The following GALNT9 variants were observed in gnomAD, a reference collection of about 807,000 sequenced individuals.
GALNT9 encodes GalNAc transferase 9.
Under a neutral mutation model 63.1 loss-of-function variants are expected in GALNT9, and 47 were observed. That is an observed-to-expected ratio of 0.75 (90% CI 0.59 to 0.95). GALNT9 has a LOEUF of 0.95. Among genes scored for constraint, GALNT9 ranks in the 40% least tolerant of loss-of-function variants. GALNT9 has a pLI of 0.00. For synonymous variants in GALNT9, 396 were observed against 365.7 expected (o/e 1.08, Z -0.94); for missense variants, 829 against 874.8 (o/e 0.95, Z 0.66).
chr12:132,329,358 C>A lies in GALNT9; in HGVS notation c.-155G>T. 1 of 1,158,910 alleles carries A rather than the reference C, an allele frequency of 8.6e-7. No individual in the cohort carries two copies. The allele number at this position is 1,158,910 out of a possible 1,614,324, so 71.8% of individuals were successfully genotyped here. A position where few individuals can be genotyped will look rare whatever the true frequency, so the allele number is the denominator to read the frequency against. On this transcript the variant is annotated 5_prime_UTR_variant, in exon 1 of 11. Coordinates refer to ENST00000328957, the MANE Select transcript of GALNT9 (RefSeq NM_001122636.2). ...CTGTCCCTTCAGCACCAGCTCAGCG[C>A]GCCGGGCCACGGCCGCCGGGGGTCC...
intron 7 of GALNT9, among the ~76,000 whole-genome samples, chr12:132,201,894 T>G (rs555745300): frequency 2.0e-5 from 3 of 148,752 alleles, no homozygotes; most frequent in African/African-American, 7.4e-5. Context: ...TTCCTGGGAC[T>G]GTGGGGCCTG....
intron 6 of GALNT9, among the ~76,000 whole-genome samples, chr12:132,208,741 T>G (rs1041516112): frequency 1.3e-5 from 2 of 151,960 alleles, no homozygotes; most frequent in Non-Finnish European, 2.9e-5. Flanking sequence ...CAACCCAGAG[T>G]TGTGGGCCAA....
At position 132,303,268 on chromosome 12, in the gene GALNT9, C is replaced by T. The variant is rs919656298; in HGVS notation, c.239-16838G>A. 2.0e-5 allele frequency among the ~76,000 whole-genome samples: 3 copies of T among 152,188 alleles called. No individual in the cohort carries two copies. The South Asian group carries it at 6.2e-4, about 32-fold the overall frequency. ...CCAGGAGAGAGGCCCCCACCCCGGG[C>T]ACCTTGAGCAGCACAGGGCCACCAG... On this transcript the variant is annotated intron_variant, in intron 1 of 10. Transcript: ENST00000328957.
chr12:132,305,691 A>C (rs1413056556), intron 1 of GALNT9, among the ~76,000 whole-genome samples: 2 of 152,106 alleles, frequency 1.3e-5, no homozygotes, highest in African/African-American at 4.8e-5. Flanking sequence ...TCACCTGGGT[A>C]CATCCTCGCC....
intron 6 of GALNT9, chr12:132,240,661 T>G (rs2136899109): frequency 6.6e-6 from 3 of 454,732 alleles, no homozygotes; most frequent in South Asian, 1.6e-5. Context: ...CTTCACTCTC[T>G]GCCGTGTTTT....
At chr12:132,235,399 C>T (rs1877965976) in intron 6 of GALNT9, among the ~76,000 whole-genome samples, 1 of 152,050 alleles carries the variant, frequency 6.6e-6, no homozygotes, top group Non-Finnish European at 1.5e-5. Flanking sequence ...ACCCAGGGTC[C>T]TAGAGGAGAG....
chr12:132,212,679 T>G (rs1382668460), intron 6 of GALNT9, among the ~76,000 whole-genome samples: 1 of 5,898 alleles, frequency 1.7e-4, no homozygotes, highest in African/African-American at 9.7e-4. Context: ...CCCTCAGACC[T>G]CGACACGGAA....
chr12:132,217,922 CCCAT>C (rs1325485078), intron 6 of GALNT9, among the ~76,000 whole-genome samples: 2 of 151,052 alleles, frequency 1.3e-5, no homozygotes, highest in African/African-American at 2.4e-5. Context: ...CACCCACCCA[CCCAT>C]CCATTCATCC....
At chr12:132,204,460 C>G (rs1341552002) in intron 6 of GALNT9, among the ~76,000 whole-genome samples, 1 of 152,148 alleles carries the variant, frequency 6.6e-6, no homozygotes, top group East Asian at 1.9e-4. Flanking sequence ...CTGTCCCCTA[C>G]AGGCCTGAGT....
intron 2 of GALNT9, chr12:132,275,592 C>A (rs1485626821): frequency 6.6e-6 from 1 of 152,302 alleles, no homozygotes; most frequent in Non-Finnish European, 1.5e-5. Flanking sequence ...TTCTCTGTCT[C>A]TCTCCCCACT....
Position 132,197,065 on chromosome 12 carries a change from A to C in GALNT9, c.*42T>G. On this transcript the variant is annotated 3_prime_UTR_variant, in exon 11 of 11. Coordinates refer to ENST00000328957, the MANE Select transcript of GALNT9 (RefSeq NM_001122636.2). ...TCACTCAGCCACACTGGCTCGGCCC[A>C]GCGCCTTCCCGAGGTCTGTGGGGGT... 1 of 1,608,628 alleles carries C rather than the reference A, an allele frequency of 6.2e-7. No individual in the cohort carries two copies. Among genetic ancestry groups the C allele is most frequent in the Non-Finnish European group, 8.5e-7 (1 of 1,176,652 alleles).
At position 132,203,684 on chromosome 12, in the gene GALNT9, G is replaced by A; in HGVS notation, c.1084C>T (p.Gln362Ter). The change falls in exon 7 of 11, where the codon CAG becomes TAG. Residue 362 changes from glutamine to a stop codon, truncating the protein, a stop_gained. Transcript: ENST00000328957. LOFTEE classifies it high-confidence loss of function. ...AGCACCTCCATGCTGCCGCCACACT[G>A]CCACACCTGCGGGGAGACGGCGCTG... ...ENVELGMRVW[Q>*]CGGSMEVLPC... is the part of the protein sequence containing the mutation. 1 of 1,612,082 alleles carries A rather than the reference G, an allele frequency of 6.2e-7. No homozygotes were observed. The highest frequency in any genetic ancestry group is 8.5e-7 in the Non-Finnish European group (1 of 1,179,566).
rs992241012 is a variant in GALNT9 at position 132,215,353 on chromosome 12, G to A, written c.1078-11663C>T. Among the ~76,000 whole-genome samples the A allele has an allele frequency of 7.9e-5, 12 of 152,260 alleles. No individual in the cohort carries two copies. The East Asian group carries it at 2.3e-3, about 29-fold the overall frequency. On this transcript the variant is annotated intron_variant, in intron 6 of 10. Transcript: ENST00000328957. ...ACGAGACACAGTCAGTTTCTAAATG[G>A]AGGCCAGGACGCGGCGCCCGGCACC... is the stretch of plus-strand genomic sequence containing the variant.
At chr12:132,311,377 A>G (rs1555245164) in intron 1 of GALNT9, among the ~76,000 whole-genome samples, 2 of 152,106 alleles carry the variant, frequency 1.3e-5, no homozygotes, top group Non-Finnish European at 2.9e-5. Context: ...CAAGGCCTGA[A>G]CTCGGCGTTA....
chr12:132,246,008 G>A lies in GALNT9; in HGVS notation c.1077+1902C>T, dbSNP rs782210782. ...CCCAGGCTGTCCTCCTCGTCTCTGCGGTGCGTTCCATCCCTCTGAGGGCCT... is the reference window on the plus strand; with the variant it reads ...CCCAGGCTGTCCTCCTCGTCTCTGCAGTGCGTTCCATCCCTCTGAGGGCCT... On this transcript the variant is annotated intron_variant, in intron 6 of 10. Coordinates refer to ENST00000328957, the MANE Select transcript of GALNT9 (RefSeq NM_001122636.2). The surrounding 1 kb of genome is among the most constrained non-coding windows in gnomAD (Gnocchi z 4.7). Among the ~76,000 whole-genome samples the A allele has an allele frequency of 4.6e-5, 7 of 152,186 alleles. No homozygotes were observed. The highest frequency in any genetic ancestry group is 6.5e-5 in the Admixed American group (1 of 15,282).
intron 5 of GALNT9, among the ~76,000 whole-genome samples, chr12:132,250,967 G>A (rs553176313): frequency 7.7e-4 from 117 of 152,316 alleles, no homozygotes; most frequent in African/African-American, 2.6e-3. Flanking sequence ...CCTGGGATAG[G>A]TACGTAAACA....
chr12:132,321,483 G>T (rs1233471996), intron 1 of GALNT9, among the ~76,000 whole-genome samples: 3 of 152,190 alleles, frequency 2.0e-5, no homozygotes, highest in Admixed American at 1.3e-4. Flanking sequence ...GAACCTTCTG[G>T]CATGGTCCGG....
At chr12:132,312,594 C>T (rs1881854507) in intron 1 of GALNT9, among the ~76,000 whole-genome samples, 1 of 152,226 alleles carries the variant, frequency 6.6e-6, no homozygotes, top group African/African-American at 2.4e-5. Flanking sequence ...AATCCTGACT[C>T]TGGAATCTCC....
intron 1 of GALNT9, among the ~76,000 whole-genome samples, chr12:132,300,076 G>T (rs1429416085): frequency 1.5e-5 from 1 of 65,060 alleles, no homozygotes; most frequent in Admixed American, 1.8e-4. Context: ...GAGATGACCA[G>T]CCCACTCCTG....
Sources: gnomAD v4.1 joint callset for allele counts (sites outside exome capture counted in the v4.1 genomes callset) on GRCh38, gnomAD v4.1.1 for gene constraint, Gnocchi (gnomAD v3.1) non-coding constraint, MANE v1.5 for transcripts, NCBI Gene and HGNC (gene_info 2026-07-23, HGNC 2026-07-21) for gene names.